MTHFD1L: variants seen among roughly 807,000 people sequenced by gnomAD.
MTHFD1L encodes the protein methylenetetrahydrofolate dehydrogenase (NADP+ dependent) 1 like.
Under a neutral mutation model 119.5 loss-of-function variants are expected in MTHFD1L, and 81 were observed. The observed-to-expected ratio is 0.68, with a 90% CI of 0.57 to 0.82. The LOEUF (loss-of-function observed/expected upper bound fraction) is 0.82. Among genes scored for constraint, MTHFD1L ranks in the 40% least tolerant of loss-of-function variants. The probability of loss-of-function intolerance (pLI) is 0.00; values close to 1 mark genes in which losing one functional copy is unlikely to be tolerated. For synonymous variants in MTHFD1L, 430 were observed against 475.2 expected (o/e 0.90, Z 1.24); for missense variants, 1,125 against 1,253.4 (o/e 0.90, Z 1.55).
chr6:151,000,619 C>G (rs2057108), intron 20 of MTHFD1L, among the ~76,000 whole-genome samples: 1 of 152,170 alleles, frequency 6.6e-6, no homozygotes, highest in Non-Finnish European at 1.5e-5. Flanking sequence ...CCGAATTTCT[C>G]TTATAGTTAA....
At chr6:151,083,083 G>A (rs768166443) in intron 26 of MTHFD1L, among the ~76,000 whole-genome samples, 3 of 152,180 alleles carry the variant, frequency 2.0e-5, no homozygotes, top group African/African-American at 4.8e-5. Flanking sequence ...AGTCTCTCCC[G>A]ACTCACTTGT....
At chr6:151,014,727 C>T (rs1037137968) in intron 22 of MTHFD1L, among the ~76,000 whole-genome samples, 153 bp from the exon 23 acceptor site, 14 of 152,158 alleles carry the variant, frequency 9.2e-5, no homozygotes, top group African/African-American at 1.9e-4. Flanking sequence ...ATTTTGAAGA[C>T]GAACCTCTTT....
intron 7 of MTHFD1L, among the ~76,000 whole-genome samples, chr6:150,891,908 A>G (rs1159155795): frequency 6.6e-6 from 1 of 152,218 alleles, no homozygotes; most frequent in Non-Finnish European, 1.5e-5. Flanking sequence ...CTCATGTTGC[A>G]GGGTGAGAAT....
chr6:150,879,577 T>G (rs1172068867), intron 4 of MTHFD1L, among the ~76,000 whole-genome samples: 1 of 150,228 alleles, frequency 6.7e-6, no homozygotes, highest in African/African-American at 2.5e-5. Context: ...TGTGAGCCAC[T>G]GCGCCCAGCT....
chr6:150,895,354 C>T (rs1784044407), intron 7 of MTHFD1L, among the ~76,000 whole-genome samples: 1 of 152,166 alleles, frequency 6.6e-6, no homozygotes, highest in Admixed American at 6.5e-5. Context: ...CCTGCTCCCT[C>T]GGGAGTCTCC....
intron 26 of MTHFD1L, among the ~76,000 whole-genome samples, chr6:151,083,990 G>A (rs1348713249): frequency 6.6e-6 from 1 of 152,124 alleles, no homozygotes; most frequent in Non-Finnish European, 1.5e-5. Context: ...GCTTAGCATG[G>A]CGCCTGGAGT....
intron 20 of MTHFD1L, among the ~76,000 whole-genome samples, chr6:151,003,793 A>G (rs1348723414): frequency 6.6e-6 from 1 of 152,110 alleles, no homozygotes; most frequent in Non-Finnish European, 1.5e-5. Context: ...TTTGAGGAGA[A>G]TGCCATATGT....
intron 26 of MTHFD1L, among the ~76,000 whole-genome samples, chr6:151,061,046 A>G (rs1790558970): frequency 6.6e-6 from 1 of 152,192 alleles, no homozygotes; most frequent in Non-Finnish European, 1.5e-5. Context: ...GGAAGAGGGA[A>G]TGCAGAAATG....
chr6:151,045,720 T>C (rs1186749395), intron 26 of MTHFD1L, among the ~76,000 whole-genome samples: 1 of 152,190 alleles, frequency 6.6e-6, no homozygotes, highest in Non-Finnish European at 1.5e-5. Context: ...ATGAGTCCTT[T>C]TCCCCAGGGT....
intron 20 of MTHFD1L, among the ~76,000 whole-genome samples, chr6:150,994,466 G>C (rs1779554060): frequency 6.7e-6 from 1 of 149,760 alleles, no homozygotes; most frequent in Admixed American, 6.7e-5. Context: ...GACAGTTCAA[G>C]AGGTTTTCCT....
intron 1 of MTHFD1L, among the ~76,000 whole-genome samples, chr6:150,872,653 G>A (rs1458028912): frequency 6.6e-6 from 1 of 152,156 alleles, no homozygotes; most frequent in Non-Finnish European, 1.5e-5. Context: ...TTATCAAAAT[G>A]TGACACAAAT....
At chr6:150,878,633 T>A (rs1463407433) in intron 4 of MTHFD1L, among the ~76,000 whole-genome samples, 1 of 152,218 alleles carries the variant, frequency 6.6e-6, no homozygotes, top group East Asian at 1.9e-4. Context: ...TCGCAGGAGC[T>A]CAGGCTCCTG....
chr6:151,055,267 G>GAA (rs536961476), intron 26 of MTHFD1L, among the ~76,000 whole-genome samples: 4,731 of 144,678 alleles, frequency 0.033, 143 homozygotes, highest in Admixed American at 0.1. Flanking sequence ...CCGTCTCAAG[G>GAA]AAAAAAAAAA....
rs566372531 is a variant in MTHFD1L, at chr6:151,048,340, A to G, written c.2847+11223A>G. Among the ~76,000 whole-genome samples the G allele has an allele frequency of 3.9e-5, 6 of 152,284 alleles. No homozygotes were observed. The East Asian group carries it at 9.7e-4, about 25-fold the overall frequency. ...CTTCCTTTGTGTGTCCTCTTACCTT[A>G]CCAAGTCGCCTCACCCACCATCTAC... On this transcript the variant is annotated intron_variant, in intron 26 of 27. Coordinates refer to ENST00000367321, the MANE Select transcript of MTHFD1L (RefSeq NM_015440.5).
chr6:151,069,945 T>C (rs1466562646), intron 26 of MTHFD1L, among the ~76,000 whole-genome samples: 3 of 152,190 alleles, frequency 2.0e-5, no homozygotes, highest in Admixed American at 6.5e-5. Flanking sequence ...GATGAGTACA[T>C]GCTGCTTTTA....
In MTHFD1L at chr6:151,043,294, TTGCTCTGTCGCCCAGGCTGGAG is replaced by T. The variant is rs1212613122; in HGVS notation, c.2847+6181_2847+6202del. 1.1e-4 allele frequency among the ~76,000 whole-genome samples: 14 copies of T among 130,300 alleles called. No individual in the cohort carries two copies. The East Asian group carries it at 3.2e-3, about 30-fold the overall frequency. The allele number at this position is 130,300 out of a possible 152,430, so 85.5% of individuals were successfully genotyped here. On this transcript the variant is annotated intron_variant, in intron 26 of 27. Transcript: ENST00000367321. ...TTTTTTTTTTTTTTGAGACAGAGTA[TTGCTCTGTCGCCCAGGCTGGAG>T]TGCAGTAGCATGATCTCGGCTCACT...
intron 8 of MTHFD1L, among the ~76,000 whole-genome samples, chr6:150,907,656 G>C (rs184678754): frequency 1.5e-4 from 23 of 152,186 alleles, no homozygotes; most frequent in African/African-American, 5.5e-4. Context: ...TAGCTGGCCT[G>C]GGAAAAGATC....
chr6:151,082,311 AT>A (rs1793278239), intron 26 of MTHFD1L, among the ~76,000 whole-genome samples: 1 of 152,208 alleles, frequency 6.6e-6, no homozygotes, highest in African/African-American at 2.4e-5. Context: ...CTGAAGGGCC[AT>A]TTAGAATCAC....
intron 20 of MTHFD1L, among the ~76,000 whole-genome samples, chr6:151,006,231 C>T (rs997414864): frequency 5.3e-5 from 8 of 152,102 alleles, no homozygotes; most frequent in Non-Finnish European, 1.2e-4. Context: ...CAACTTTGCC[C>T]GAAAGCATCA....
Sources: gnomAD v4.1 joint callset for allele counts (sites outside exome capture counted in the v4.1 genomes callset) on GRCh38, gnomAD v4.1.1 for gene constraint, MANE v1.5 for transcripts, NCBI Gene and HGNC (gene_info 2026-07-23, HGNC 2026-07-21) for gene names.